PRELID2: variants seen among roughly 807,000 people sequenced by gnomAD.
PRELID2 encodes PRELI domain containing 2, also known as PRELI domain-containing protein 2.
Under a neutral mutation model 28.4 loss-of-function variants are expected in PRELID2, and 25 were observed. The ratio of observed to expected loss-of-function variants is 0.88; its 90% CI spans 0.64 to 1.23. The LOEUF is 1.23. PRELID2 is among the 50% of genes most tolerant of loss of function. The pLI is 0.00. For missense variants in PRELID2, 201 were observed against 214.4 expected (o/e 0.94, Z 0.39); for synonymous variants, 76 against 71.6 (o/e 1.06, Z -0.31).
intron 1 of PRELID2, among the ~76,000 whole-genome samples, chr5:145,695,721 G>GC (rs1322422361): frequency 2.0e-5 from 3 of 152,156 alleles, no homozygotes; most frequent in Non-Finnish European, 4.4e-5. Context: ...GCTTAGGTGG[G>GC]CCCTTCCACA....
intron 1 of PRELID2, among the ~76,000 whole-genome samples, chr5:145,485,790 A>G (rs1051706404): frequency 2.0e-5 from 3 of 152,200 alleles, no homozygotes. Context: ...TAAGCTGTTT[A>G]TGGTTATCAC....
At chr5:145,470,478 TA>T (rs1752044042), downstream of PRELID2, among the ~76,000 whole-genome samples, 1 of 149,390 alleles carries the variant, frequency 6.7e-6, no homozygotes, top group Non-Finnish European at 1.5e-5. Context: ...ACTAGTTAGG[TA>T]ATTTTTATAA....
the PRELID2 span, among the ~76,000 whole-genome samples, chr5:145,361,753 C>T: frequency 6.2e-3 from 938 of 152,276 alleles, 15 homozygotes; most frequent in African/African-American, 0.021. Context: ...TTCTGAACCA[C>T]ACCTAGCCTT....
chr5:145,610,939 A>G (rs1753604374), intron 1 of PRELID2, among the ~76,000 whole-genome samples: 1 of 149,866 alleles, frequency 6.7e-6, no homozygotes, highest in Non-Finnish European at 1.5e-5. Context: ...AAGACCCTAA[A>G]CTACAGTAAA....
rs185365754 is a variant in PRELID2, at chr5:145,761,458, G to A, written c.*11-933C>T. Among the ~76,000 whole-genome samples, 19 of 152,222 alleles carry A rather than the reference G, an allele frequency of 1.2e-4. No individual in the cohort carries two copies. The East Asian group carries it at 2.5e-3, about 20-fold the overall frequency. On this transcript the variant is annotated intron_variant, in intron 6 of 6. Coordinates refer to ENST00000683046, the MANE Select transcript of PRELID2 (RefSeq NM_205846.3). ...AGCCAAGTCTTCACAAAGTGTTGAC[G>A]TTAGAGCTAATGCAAGAAAAACAAA...
At chr5:145,481,623 C>CAAAAAAAAAAA (rs70998021) in intron 1 of PRELID2, among the ~76,000 whole-genome samples, 94 of 41,858 alleles carry the variant, frequency 2.2e-3, no homozygotes, top group East Asian at 7.0e-3. Flanking sequence ...GCAAGGAAAT[C>CAAAAAAAAAAA]AAAAAAAAAA....
At chr5:145,413,597 G>C in the PRELID2 span, among the ~76,000 whole-genome samples, 480 of 144,536 alleles carry the variant, frequency 3.3e-3, 5 homozygotes, top group African/African-American at 0.012. Flanking sequence ...CAACCAACAA[G>C]TGGATGAAGA....
At chr5:145,385,815 T>C in the PRELID2 span, among the ~76,000 whole-genome samples, 2 of 152,304 alleles carry the variant, frequency 1.3e-5, no homozygotes, top group African/African-American at 4.8e-5. Flanking sequence ...GCCACCTTTA[T>C]GAATTCTTCA....
At chr5:145,582,716 GAC>G (rs1753117546) in intron 1 of PRELID2, among the ~76,000 whole-genome samples, 2 of 151,984 alleles carry the variant, frequency 1.3e-5, no homozygotes, top group East Asian at 3.9e-4. Flanking sequence ...TAAATTACCA[GAC>G]ACACACACTC....
the PRELID2 span, among the ~76,000 whole-genome samples, chr5:145,394,878 C>T: frequency 4.9e-4 from 74 of 152,194 alleles, no homozygotes; most frequent in South Asian, 1.0e-3. Flanking sequence ...AGATTTACAA[C>T]GTCCTCAAAT....
chr5:145,304,637 G>A, the PRELID2 span, among the ~76,000 whole-genome samples: 7 of 152,064 alleles, frequency 4.6e-5, no homozygotes, highest in African/African-American at 1.7e-4. Flanking sequence ...ACTTCTGACT[G>A]CAAAGAATAT....
chr5:145,492,813 T>A lies in PRELID2; in HGVS notation n.71-19498A>T, dbSNP rs955492385. On this transcript the variant is annotated intron_variant and non_coding_transcript_variant, in intron 1 of 2. Coordinates refer to the PRELID2 transcript ENST00000510259. ...GAAGTGGTGCAGGCCAGAGATTGAG[T>A]CCACCACACAAGGCTGAAGCCTTAG... 3.6e-5 allele frequency among the ~76,000 whole-genome samples: 5 copies of A among 140,526 alleles called. 2 individuals carry two copies. In the Admixed American group the frequency reaches 3.6e-4, roughly 10 times the overall value. 92.2% of individuals were successfully genotyped at this position (140,526 alleles called of 152,430 possible). A position where few individuals can be genotyped will look rare whatever the true frequency, so the allele number is the denominator to read the frequency against.
the PRELID2 span, among the ~76,000 whole-genome samples, chr5:145,405,699 G>GTTTTTTTTTTTTT: frequency 6.5e-5 from 3 of 45,992 alleles, 1 homozygote. Flanking sequence ...GTACCACATA[G>GTTTTTTTTTTTTT]TTGTTTTTTT....
At chr5:145,637,808 T>C (rs1479359067) in intron 1 of PRELID2, among the ~76,000 whole-genome samples, 6 of 142,972 alleles carry the variant, frequency 4.2e-5, no homozygotes, top group Admixed American at 1.4e-4. Context: ...CACAAAACCA[T>C]TCTTTTTTTT....
At chr5:145,485,010 A>G (rs954212715) in intron 1 of PRELID2, among the ~76,000 whole-genome samples, 1 of 152,228 alleles carries the variant, frequency 6.6e-6, no homozygotes, top group Admixed American at 6.5e-5. Flanking sequence ...GTTGTCATAG[A>G]GCTTCCAGAC....
chr5:145,745,565 TAAAGA>T (rs1331854793), intron 1 of PRELID2, among the ~76,000 whole-genome samples: 1 of 152,066 alleles, frequency 6.6e-6, no homozygotes, highest in Admixed American at 6.6e-5. Flanking sequence ...TCAACATTCC[TAAAGA>T]AAAGAATTGG....
chr5:145,233,389 T>A, the PRELID2 span, among the ~76,000 whole-genome samples: 1 of 152,088 alleles, frequency 6.6e-6, no homozygotes, highest in Non-Finnish European at 1.5e-5. Flanking sequence ...TTACATCCTA[T>A]CCTGAGGTAG....
chr5:145,795,823 T>C (rs1487305268), intron 5 of PRELID2: 3 of 152,168 alleles, frequency 2.0e-5, no homozygotes, highest in South Asian at 2.1e-4. Context: ...AAATGTTATA[T>C]GGAATACCAT....
At chr5:145,405,898 G>C in the PRELID2 span, among the ~76,000 whole-genome samples, 1 of 151,604 alleles carries the variant, frequency 6.6e-6, no homozygotes, top group Non-Finnish European at 1.5e-5. Flanking sequence ...GTAGAGACGG[G>C]GTTTCACCGT....
Sources: allele counts gnomAD v4.1 joint callset (sites outside exome capture counted in the v4.1 genomes callset), GRCh38; gene constraint gnomAD v4.1.1; transcripts MANE v1.5; gene names NCBI Gene and HGNC (gene_info 2026-07-23, HGNC 2026-07-21).